Variants in RANBP2 observed in about 807,000 individuals in gnomAD.
RANBP2 encodes the protein RAN binding protein 2, also known as E3 SUMO-protein ligase RanBP2.
A neutral mutation model predicts 303.6 loss-of-function variants in RANBP2; 57 were observed. That is an observed-to-expected ratio of 0.19 (90% confidence interval 0.15 to 0.23). The LOEUF (loss-of-function observed/expected upper bound fraction) is 0.23. Ranked by LOEUF, RANBP2 falls within the 10% of genes least tolerant of loss-of-function variation. RANBP2 has a pLI of 1.00. For synonymous variants in RANBP2, 1,167 were observed against 1,301.5 expected, an observed-to-expected ratio of 0.90 and a Z score of 2.23; for missense variants, 3,138 against 3,780.8, an observed-to-expected ratio of 0.83 and a Z score of 4.46.
chr2:108,777,244 G>A lies in RANBP2; in HGVS notation c.8599+13G>A. 1 of 1,605,544 alleles carries A rather than the reference G, an allele frequency of 6.2e-7. No individual in the cohort carries two copies. The highest frequency in any genetic ancestry group is 1.1e-5 in the South Asian group (1 of 90,812). On this transcript the variant is annotated intron_variant, in intron 25 of 28. Coordinates refer to ENST00000283195, the MANE Select transcript of RANBP2 (RefSeq NM_006267.5). ...TTTGGTTCTAAAGGTAAGATCAAGA[G>A]GAGAGACTTTTAATGACATTGTTAC...
rs994626423 is a variant in RANBP2 at position 108,735,738 on chromosome 2, T to C, written c.612T>C (p.Asn204=). Residue 204 remains asparagine (N), a synonymous_variant, in exon 5 of 29, where the codon AAT becomes AAC. Coordinates refer to ENST00000283195, the MANE Select transcript of RANBP2 (RefSeq NM_006267.5). ...NIALRSSLEW[N]SCVVQTLKEY... is the part of the protein sequence containing the mutation. Reference sequence around the variant, plus strand: ...CTTTGCGTTCAAGTTTAGAATGGAATTCGTGTGTTGTACAGACCCTTAAGG... The same window carrying C: ...CTTTGCGTTCAAGTTTAGAATGGAACTCGTGTGTTGTACAGACCCTTAAGG... The C allele has an allele frequency of 2.5e-6, 4 of 1,597,478 alleles. No individual in the cohort carries two copies. Among genetic ancestry groups the C allele is most frequent in the Non-Finnish European group, 3.4e-6 (4 of 1,179,796 alleles).
the RANBP2 span, among the ~76,000 whole-genome samples, chr2:108,977,028 T>C: frequency 6.6e-6 from 1 of 152,138 alleles, no homozygotes; most frequent in South Asian, 2.1e-4. Flanking sequence ...CAAATACCTC[T>C]GACTTCCCAG....
At chr2:109,401,781 G>A in the RANBP2 span, among the ~76,000 whole-genome samples, 6 of 152,286 alleles carry the variant, frequency 3.9e-5, no homozygotes, top group East Asian at 1.9e-4. Context: ...CATGGCCTCC[G>A]TGTTAAAACA....
At chr2:109,536,077 C>T in the RANBP2 span, among the ~76,000 whole-genome samples, 1 of 150,972 alleles carries the variant, frequency 6.6e-6, no homozygotes, top group Non-Finnish European at 1.5e-5. Context: ...TCATGGAGAA[C>T]CTCTGCTAGG....
chr2:109,577,292 T>A, the RANBP2 span, among the ~76,000 whole-genome samples: 1 of 152,168 alleles, frequency 6.6e-6, no homozygotes, highest in African/African-American at 2.4e-5. Flanking sequence ...TAATACCTCG[T>A]GTAGTTAAAA....
chr2:109,682,336 T>TA, the RANBP2 span, among the ~76,000 whole-genome samples: 4 of 152,178 alleles, frequency 2.6e-5, no homozygotes, highest in African/African-American at 9.7e-5. Flanking sequence ...GAGATGTACT[T>TA]ATAATAAATT....
the RANBP2 span, among the ~76,000 whole-genome samples, chr2:109,073,531 T>C: frequency 6.9e-6 from 1 of 143,996 alleles, no homozygotes; most frequent in Non-Finnish European, 1.6e-5. Flanking sequence ...TAGCTGGGTG[T>C]GGTGGCACGC....
chr2:109,202,762 A>T, the RANBP2 span, among the ~76,000 whole-genome samples: 1 of 152,018 alleles, frequency 6.6e-6, no homozygotes, highest in East Asian at 1.9e-4. Flanking sequence ...CCCTTCCCAT[A>T]CTATGGAGCT....
At chr2:109,286,968 C>T in the RANBP2 span, among the ~76,000 whole-genome samples, 1 of 152,204 alleles carries the variant, frequency 6.6e-6, no homozygotes, top group Admixed American at 6.5e-5. Flanking sequence ...CCGCCATCCT[C>T]CACAGACTGG....
At chr2:109,367,823 C>CTA in the RANBP2 span, among the ~76,000 whole-genome samples, 1 of 152,166 alleles carries the variant, frequency 6.6e-6, no homozygotes, top group African/African-American at 2.4e-5. Context: ...CTAGGAGTGG[C>CTA]TATTTGTAGC....
chr2:109,335,197 G>A, the RANBP2 span, among the ~76,000 whole-genome samples: 5 of 152,206 alleles, frequency 3.3e-5, no homozygotes, highest in Non-Finnish European at 5.9e-5. Context: ...CTAGAGTTCC[G>A]AGGCCTACGC....
At chr2:108,861,293 C>T in the RANBP2 span, among the ~76,000 whole-genome samples, 2 of 151,486 alleles carry the variant, frequency 1.3e-5, no homozygotes, top group South Asian at 4.2e-4. Context: ...TTCATTTCGT[C>T]GATCCTTATA....
At chr2:108,873,330 G>T in the RANBP2 span, 1 of 934,140 alleles carries the variant, frequency 1.1e-6, no homozygotes. Flanking sequence ...ATTTAAGTAT[G>T]AAAAGAATGA....
chr2:109,442,505 T>C, the RANBP2 span, among the ~76,000 whole-genome samples: 1 of 152,130 alleles, frequency 6.6e-6, no homozygotes, highest in African/African-American at 2.4e-5. Context: ...TAATTGACTG[T>C]TTAAACAAAA....
chr2:109,641,376 A>T, the RANBP2 span, among the ~76,000 whole-genome samples: 171 of 152,336 alleles, frequency 1.1e-3, no homozygotes, highest in African/African-American at 3.5e-3. Context: ...GATAAGCAAA[A>T]TGTGGTCCAT....
At chr2:109,026,684 A>G in the RANBP2 span, among the ~76,000 whole-genome samples, 2 of 152,206 alleles carry the variant, frequency 1.3e-5, no homozygotes, top group South Asian at 2.1e-4. Context: ...AGGTGGGGAA[A>G]AAGCTCAAAA....
At chr2:109,068,201 G>A in the RANBP2 span, among the ~76,000 whole-genome samples, 92 of 152,288 alleles carry the variant, frequency 6.0e-4, no homozygotes, top group African/African-American at 2.0e-3. Context: ...ATCTTTTCGC[G>A]GAACTGTTCT....
chr2:108,760,843 C>CA (rs1676682078), intron 18 of RANBP2, among the ~76,000 whole-genome samples: 1 of 152,036 alleles, frequency 6.6e-6, no homozygotes, highest in Non-Finnish European at 1.5e-5. Context: ...CTTGTGATCT[C>CA]CTTTGCATGA....
the RANBP2 span, among the ~76,000 whole-genome samples, chr2:109,042,215 G>A: frequency 6.6e-6 from 1 of 152,178 alleles, no homozygotes; most frequent in South Asian, 2.1e-4. Context: ...CCAGCACACT[G>A]AAGATAGCAT....
Sources: gnomAD v4.1 joint callset for allele counts (sites outside exome capture counted in the v4.1 genomes callset) on GRCh38, gnomAD v4.1.1 for gene constraint, MANE v1.5 for transcripts, NCBI Gene and HGNC (gene_info 2026-07-23, HGNC 2026-07-21) for gene names.